Variants in AGAP1 observed in about 807,000 individuals in gnomAD.
AGAP1 encodes ArfGAP with GTPase domain, ankyrin repeat and PH domain 1, also known as arf-GAP with GTPase, ANK repeat and PH domain-containing protein 1.
A neutral mutation model predicts 105.3 loss-of-function variants in AGAP1; 29 were observed. The observed-to-expected ratio is 0.28, with a 90% CI of 0.21 to 0.38. The LOEUF is 0.38. AGAP1 is among the 10% of genes least tolerant of loss of function. AGAP1 has a pLI of 1.00. For synonymous variants in AGAP1, 509 were observed against 485.9 expected (o/e 1.05, Z -0.63); for missense variants, 998 against 1,165.1 (o/e 0.86, Z 2.09).
chr2:235,852,179 A>G (rs556539046), intron 9 of AGAP1, among the ~76,000 whole-genome samples: 2 of 152,296 alleles, frequency 1.3e-5, no homozygotes, highest in South Asian at 4.1e-4. Context: ...GATTGGGAAG[A>G]TTTACTCGGG....
chr2:235,990,353 C>T (rs547725229), intron 13 of AGAP1, among the ~76,000 whole-genome samples: 27 of 152,280 alleles, frequency 1.8e-4, no homozygotes, highest in African/African-American at 6.3e-4. Flanking sequence ...CTCTGTGGGT[C>T]AGGAATTAGA....
At chr2:235,515,955 G>C (rs953026473) in intron 1 of AGAP1, among the ~76,000 whole-genome samples, 3 of 152,114 alleles carry the variant, frequency 2.0e-5, no homozygotes, top group Non-Finnish European at 2.9e-5. Flanking sequence ...TTGGTTGCTG[G>C]GGTGTGCGGC....
At chr2:235,497,429 G>A (rs1431457537) in intron 1 of AGAP1, among the ~76,000 whole-genome samples, 1 of 152,220 alleles carries the variant, frequency 6.6e-6, no homozygotes, top group Non-Finnish European at 1.5e-5. Flanking sequence ...AATCAGGACA[G>A]CAGGTGCACA....
At position 235,961,960 on chromosome 2, in the gene AGAP1, G is replaced by A. The variant is rs2054206364; in HGVS notation, c.1484-6502G>A. 6.6e-6 allele frequency among the ~76,000 whole-genome samples: 1 copy of A among 152,148 alleles called. No homozygotes were observed. On this transcript the variant is annotated intron_variant, in intron 12 of 17. Transcript: ENST00000304032. This position sits in a 1 kb window ranked among gnomAD's most constrained non-coding sequence, Gnocchi z 5.9. ...TGAGCATCCATTTCCCAGGGGAGGG[G>A]CCCCGCGCCCATGGAGACTGCTGGG...
intron 1 of AGAP1, among the ~76,000 whole-genome samples, chr2:235,498,396 G>A (rs1052204086): frequency 7.2e-5 from 11 of 152,116 alleles, no homozygotes; most frequent in East Asian, 3.9e-4. Flanking sequence ...GATGTCCTAT[G>A]GGGCATGGCA....
intron 1 of AGAP1, among the ~76,000 whole-genome samples, chr2:235,656,041 C>T (rs1348272427): frequency 2.0e-5 from 3 of 152,332 alleles, no homozygotes; most frequent in African/African-American, 2.4e-5. Flanking sequence ...GTCCATCGCA[C>T]GTTTCTTCCT....
chr2:236,084,937 G>A (rs549354802), intron 16 of AGAP1, among the ~76,000 whole-genome samples: 31 of 151,546 alleles, frequency 2.0e-4, no homozygotes, highest in East Asian at 5.9e-4. Context: ...TTTTTAGGCC[G>A]GGCACGGTGG....
chr2:235,607,982 G>C (rs1480003693), intron 1 of AGAP1, among the ~76,000 whole-genome samples: 3 of 152,232 alleles, frequency 2.0e-5, no homozygotes, highest in African/African-American at 7.2e-5. Context: ...ACTTGGAAGT[G>C]CCTCAAGTGA....
In AGAP1 at chr2:236,059,469, A is replaced by G. The variant is rs1042204558; in HGVS notation, c.2114+10188A>G. ...TCCCAGAAATTTGACAGCTAATCCT[A>G]AAATTCATATGGCACAGTAAGAGAC... On this transcript the variant is annotated intron_variant, in intron 16 of 17. Coordinates refer to ENST00000304032, the MANE Select transcript of AGAP1 (RefSeq NM_001037131.3). 3.9e-5 allele frequency among the ~76,000 whole-genome samples: 6 copies of G among 152,298 alleles called. No homozygotes were observed. In the South Asian group the frequency reaches 6.2e-4, roughly 16 times the overall value.
Position 236,061,103 on chromosome 2 carries a change from T to TA in AGAP1, c.2114+11825dup, listed in dbSNP as rs2058182659. Among the ~76,000 whole-genome samples, 1 of 152,166 alleles carries TA rather than the reference T, an allele frequency of 6.6e-6. No homozygotes were observed. Among genetic ancestry groups the TA allele is most frequent in the Admixed American group, 6.6e-5 (1 of 15,254 alleles). On this transcript the variant is annotated intron_variant, in intron 16 of 17. Coordinates refer to ENST00000304032, the MANE Select transcript of AGAP1 (RefSeq NM_001037131.3). This position sits in a 1 kb window ranked among gnomAD's most constrained non-coding sequence, Gnocchi z 4.1. The stretch of plus-strand genomic sequence containing the variant: ...AAAAAATAAAAATGGGCTAAGACTC[T>TA]AAATAGACATTTCTCCAGAAAATAT...
chr2:235,998,472 G>A (rs1356800008), intron 13 of AGAP1, among the ~76,000 whole-genome samples: 1 of 152,182 alleles, frequency 6.6e-6, no homozygotes, highest in Admixed American at 6.5e-5. Flanking sequence ...AAGCTGTGGG[G>A]CTTCAACCTA....
At position 235,741,212 on chromosome 2, in the gene AGAP1, A is replaced by G. The variant is rs1439927133; in HGVS notation, c.396+164A>G. On this transcript the variant is annotated intron_variant, in intron 4 of 17. Transcript: ENST00000304032. The surrounding 1 kb of genome is among the most constrained non-coding windows in gnomAD (Gnocchi z 4.9). Reference sequence around the variant, plus strand: ...TTTTTTTCTCATCTCTAAGAAGCTAATTCTTTTTTTATTTTTTTCCCAGAC... The same window carrying G: ...TTTTTTTCTCATCTCTAAGAAGCTAGTTCTTTTTTTATTTTTTTCCCAGAC... Among the ~76,000 whole-genome samples, 2 of 152,178 alleles carry G rather than the reference A, an allele frequency of 1.3e-5. No homozygotes were observed. Among genetic ancestry groups the G allele is most frequent in the African/African-American group, 4.8e-5 (2 of 41,438 alleles).
chr2:236,041,740 A>T (rs2057554730), intron 15 of AGAP1, among the ~76,000 whole-genome samples: 1 of 152,192 alleles, frequency 6.6e-6, no homozygotes, highest in Non-Finnish European at 1.5e-5. Context: ...TCAAACGTGC[A>T]TGGCGTGGTG....
intron 11 of AGAP1, among the ~76,000 whole-genome samples, chr2:235,925,682 TG>T (rs1188050886): frequency 6.6e-6 from 1 of 152,214 alleles, no homozygotes; most frequent in Non-Finnish European, 1.5e-5. Context: ...CAGAGCTTGG[TG>T]TCTTTGTTGA....
Position 235,728,523 on chromosome 2 carries a change from A to C in AGAP1, c.310+10879A>C, listed in dbSNP as rs1023572845. Among the ~76,000 whole-genome samples the C allele has an allele frequency of 1.3e-5, 2 of 152,256 alleles. No homozygotes were observed. Among genetic ancestry groups the C allele is most frequent in the East Asian group, 3.9e-4 (2 of 5,178 alleles). ...TTGGCTTCTGGAACGCACAGTGTTCAGGAGGATTCTGAGGCAGGGTCTGTG... is the reference window on the plus strand; with the variant it reads ...TTGGCTTCTGGAACGCACAGTGTTCCGGAGGATTCTGAGGCAGGGTCTGTG... On this transcript the variant is annotated intron_variant, in intron 3 of 17. Coordinates refer to ENST00000304032, the MANE Select transcript of AGAP1 (RefSeq NM_001037131.3). The surrounding 1 kb of genome is among the most constrained non-coding windows in gnomAD (Gnocchi z 4.3).
chr2:235,802,976 GGTT>G (rs1443758493), intron 8 of AGAP1, among the ~76,000 whole-genome samples: 78 of 144,354 alleles, frequency 5.4e-4, no homozygotes, highest in East Asian at 1.3e-3. Flanking sequence ...TGATGGTTGT[GGTT>G]GTGATGGTTG....
At chr2:235,925,708 G>A (rs761504162) in intron 11 of AGAP1, among the ~76,000 whole-genome samples, 49 of 152,154 alleles carry the variant, frequency 3.2e-4, no homozygotes, top group Admixed American at 1.2e-3. Flanking sequence ...CGGCGGCCAC[G>A]TGGGTTTAGG....
At position 235,621,694 on chromosome 2, in the gene AGAP1, G is replaced by A. The variant is rs538389912; in HGVS notation, c.164-87485G>A. 1.3e-5 allele frequency among the ~76,000 whole-genome samples: 2 copies of A among 152,332 alleles called. No homozygotes were observed. The highest frequency in any genetic ancestry group is 2.4e-5 in the African/African-American group (1 of 41,584). ...TCCCTGTGCCCATTGTTCATGCATTGGAACTTGGAGTGCCTGCTCTCTGCC... is the reference window on the plus strand; with the variant it reads ...TCCCTGTGCCCATTGTTCATGCATTAGAACTTGGAGTGCCTGCTCTCTGCC... On this transcript the variant is annotated intron_variant, in intron 1 of 17. Coordinates refer to ENST00000304032, the MANE Select transcript of AGAP1 (RefSeq NM_001037131.3). This position sits in a 1 kb window ranked among gnomAD's most constrained non-coding sequence, Gnocchi z 4.1.
In AGAP1 at chr2:235,884,049, T is replaced by C. The variant is rs1362464599; in HGVS notation, c.1155+600T>C. 2.0e-5 allele frequency among the ~76,000 whole-genome samples: 3 copies of C among 152,210 alleles called. No homozygotes were observed. In the South Asian group the frequency reaches 6.2e-4, roughly 32 times the overall value. Reference sequence around the variant, plus strand: ...GGAAGAAATGCAGACGTTCTACCCATTGATAAAATATAAAAAAATGCAGAC... The same window carrying C: ...GGAAGAAATGCAGACGTTCTACCCACTGATAAAATATAAAAAAATGCAGAC... On this transcript the variant is annotated intron_variant, in intron 10 of 17. Coordinates refer to ENST00000304032, the MANE Select transcript of AGAP1 (RefSeq NM_001037131.3).
Sources: allele counts gnomAD v4.1 joint callset (sites outside exome capture counted in the v4.1 genomes callset), GRCh38; gene constraint gnomAD v4.1.1; non-coding constraint Gnocchi (gnomAD v3.1); transcripts MANE v1.5; gene names NCBI Gene and HGNC (gene_info 2026-07-23, HGNC 2026-07-21).